BAZ1B: variants seen among roughly 807,000 people sequenced by gnomAD.
BAZ1B encodes bromodomain adjacent to zinc finger domain 1B, also known as tyrosine-protein kinase BAZ1B.
A neutral mutation model predicts 153.8 loss-of-function variants in BAZ1B; 22 were observed. That is an observed-to-expected ratio of 0.14 (90% CI 0.10 to 0.20). The LOEUF is 0.20. Among genes scored for constraint, BAZ1B ranks in the 10% least tolerant of loss-of-function variants. The pLI, the probability that BAZ1B is intolerant of heterozygous loss-of-function variation, is 1.00. For missense variants in BAZ1B, 1,325 were observed against 1,799.3 expected (o/e 0.74, Z 4.77); for synonymous variants, 676 against 633.4 (o/e 1.07, Z -1.01).
chr7:73,513,265 A>C (rs1790659529), intron 1 of BAZ1B, among the ~76,000 whole-genome samples: 1 of 152,176 alleles, frequency 6.6e-6, no homozygotes, highest in African/African-American at 2.4e-5. Flanking sequence ...ATGTTTAATA[A>C]ATATAGATGC....
In BAZ1B at chr7:73,476,989, A is replaced by G. The variant is rs2116336201; in HGVS notation, c.2472T>C (p.Ile824=). 6.2e-7 allele frequency: 1 copy of G among 1,613,954 alleles called. No individual in the cohort carries two copies. The highest frequency in any genetic ancestry group is 1.1e-5 in the South Asian group (1 of 91,066). The part of the protein sequence containing the change: ...GLGKTDRKKE[I]VKFEPQVDTE... Reference sequence around the variant, plus strand: ...TATCTACTTGGGGCTCAAACTTCACAATTTCTTTTTTCCTATCAGTTTTGC... The same window carrying G: ...TATCTACTTGGGGCTCAAACTTCACGATTTCTTTTTTCCTATCAGTTTTGC... The change falls in exon 7 of 20, where the codon ATT becomes ATC. Residue 824 remains isoleucine (I), a synonymous_variant. Coordinates refer to ENST00000339594, the MANE Select transcript of BAZ1B (RefSeq NM_032408.4).
intron 3 of BAZ1B, among the ~76,000 whole-genome samples, chr7:73,499,811 C>T (rs1420467276): frequency 6.6e-6 from 1 of 152,180 alleles, no homozygotes; most frequent in African/African-American, 2.4e-5. Context: ...ATTCTTTAAT[C>T]TGAAATCTAT....
Position 73,470,229 on chromosome 7 carries a change from A to AAGAATTGGAAAACTGAAG in BAZ1B, c.2732+98_2732+115dup, listed in dbSNP as rs1217193696. ...AATCATCAACAATTCTGTTTCCAAA[A>AAGAATTGGAAAACTGAAG]AGAATTGGAAAACTGAAGAGAGAAG... On this transcript the variant is annotated intron_variant, in intron 8 of 19. Transcript: ENST00000339594. 1.1e-5 allele frequency: 13 copies of AAGAATTGGAAAACTGAAG among 1,193,084 alleles called. 1 individual carries two copies. The highest frequency in any genetic ancestry group is 1.5e-5 in the Non-Finnish European group (13 of 866,528). 73.9% of individuals were successfully genotyped at this position (1,193,084 alleles called of 1,614,324 possible).
intron 1 of BAZ1B, among the ~76,000 whole-genome samples, chr7:73,515,531 CTTTT>C (rs869065388): frequency 1.1e-3 from 123 of 111,390 alleles, no homozygotes; most frequent in African/African-American, 3.9e-3. Flanking sequence ...AGCCTTGTTC[CTTTT>C]TTTTTTTTTT....
chr7:73,477,855 C>A lies in BAZ1B; in HGVS notation c.1606G>T (p.Ala536Ser), dbSNP rs1554573092. Residue 536 changes from alanine to serine, a missense_variant, in exon 7 of 20, where the codon GCT (alanine) becomes TCT (serine). Ala to Ser is a moderately conservative substitution (Grantham distance 99). This residue lies in a region of BAZ1B where 154 missense variants were observed against 266.3 expected (regional missense o/e 0.58). Transcript: ENST00000339594. This position sits in a 1 kb window ranked among gnomAD's most constrained non-coding sequence, Gnocchi z 5.6. ...YELLEHKKRWASMSEEQRKEY... is the reference protein window; with the variant it reads ...YELLEHKKRWSSMSEEQRKEY... Reference sequence around the variant, plus strand: ...TTCCGTTGTTCTTCAGACATAGAAGCCCACCTCTTTTTGTGCTCTAGAAGT... The same window carrying A: ...TTCCGTTGTTCTTCAGACATAGAAGACCACCTCTTTTTGTGCTCTAGAAGT... The A allele has an allele frequency of 6.2e-7, 1 of 1,613,924 alleles. No homozygotes were observed.
At chr7:73,487,015 T>C (rs1789438099) in intron 6 of BAZ1B, among the ~76,000 whole-genome samples, 1 of 152,202 alleles carries the variant, frequency 6.6e-6, no homozygotes, top group South Asian at 2.1e-4. Flanking sequence ...GGAAAACAAA[T>C]AATAAACCTG....
chr7:73,484,603 G>A (rs1199601540), intron 6 of BAZ1B, among the ~76,000 whole-genome samples: 3 of 151,744 alleles, frequency 2.0e-5, no homozygotes, highest in Non-Finnish European at 2.9e-5. Context: ...TGATCACACC[G>A]CTGCACCTCC....
intron 14 of BAZ1B, 144 bp from the exon 15 acceptor site, chr7:73,449,833 C>G (rs1787969348): frequency 1.2e-6 from 1 of 832,734 alleles, no homozygotes; most frequent in Non-Finnish European, 1.7e-6. Context: ...TTTGTAAATG[C>G]AGGCATTTTC....
intron 1 of BAZ1B, among the ~76,000 whole-genome samples, chr7:73,514,989 T>C (rs1457023556): frequency 1.3e-5 from 2 of 151,982 alleles, no homozygotes; most frequent in African/African-American, 4.8e-5. Flanking sequence ...AGAGAACTGC[T>C]TGAATGAGGA....
At position 73,521,982 on chromosome 7, in the gene BAZ1B, C is replaced by G; in HGVS notation, c.-49G>C. ...GCGGCTGCTGGGGCCGGCCCCGCGG[C>G]GCAGCACTAGGCCCCGCGGCCCGGA... On this transcript the variant is annotated 5_prime_UTR_variant, in exon 1 of 20. Coordinates refer to ENST00000339594, the MANE Select transcript of BAZ1B (RefSeq NM_032408.4). The G allele has an allele frequency of 3.8e-6, 5 of 1,313,830 alleles. No individual in the cohort carries two copies. The highest frequency in any genetic ancestry group is 4.9e-6 in the Non-Finnish European group (5 of 1,023,516). 81.4% of individuals were successfully genotyped at this position (1,313,830 alleles called of 1,614,324 possible). A position where few individuals can be genotyped will look rare whatever the true frequency, so the allele number is the denominator to read the frequency against.
intron 1 of BAZ1B, among the ~76,000 whole-genome samples, chr7:73,515,072 A>C (rs1790742657): frequency 1.3e-5 from 2 of 150,870 alleles, no homozygotes; most frequent in Admixed American, 6.6e-5. Context: ...AATCTGTCTC[A>C]AAAAAAAACA....
intron 1 of BAZ1B, among the ~76,000 whole-genome samples, chr7:73,515,345 C>T (rs1015402345): frequency 1.3e-5 from 2 of 152,066 alleles, no homozygotes; most frequent in Non-Finnish European, 2.9e-5. Flanking sequence ...AATGTACCTC[C>T]CCTCTTCATT....
At chr7:73,453,764 C>T (rs531901436) in intron 13 of BAZ1B, among the ~76,000 whole-genome samples, 43 of 152,304 alleles carry the variant, frequency 2.8e-4, no homozygotes, top group Non-Finnish European at 5.7e-4. Context: ...GCAGGTGGAT[C>T]ACTTGAGCCC....
rs140624559 is a variant in BAZ1B, at chr7:73,521,843, C to T, written c.91G>A (p.Ala31Thr). Residue 31 changes from alanine (A) to threonine (T), a missense_variant, in exon 1 of 20, where the codon GCC becomes ACC. Transcript: ENST00000339594. Reference sequence around the variant, plus strand: ...AAAGGATACTCCCGGGTGCGGAAGGCCTCCTGAGTGTGCGGGATGGTGAAG... The same window carrying T: ...AAAGGATACTCCCGGGTGCGGAAGGTCTCCTGAGTGTGCGGGATGGTGAAG... The part of the protein sequence containing the change: ...PLFTIPHTQE[A>T]FRTREEYEAR... 36 of 1,504,364 alleles carry T rather than the reference C, an allele frequency of 2.4e-5. No individual in the cohort carries two copies. The highest frequency in any genetic ancestry group is 6.1e-5 in the South Asian group (5 of 81,536). 93.2% of individuals were successfully genotyped at this position (1,504,364 alleles called of 1,614,324 possible). A position where few individuals can be genotyped will look rare whatever the true frequency, so the allele number is the denominator to read the frequency against.
chr7:73,449,763 C>T, intron 14 of BAZ1B, 74 bp from the exon 15 acceptor site: 1 of 1,513,658 alleles, frequency 6.6e-7, no homozygotes, highest in South Asian at 1.2e-5. Context: ...AAGAGGCAAT[C>T]ACCCTACAAT....
At chr7:73,508,511 A>C in intron 2 of BAZ1B, 40 bp from the exon 3 acceptor site, 1 of 1,558,060 alleles carries the variant, frequency 6.4e-7, no homozygotes, top group Non-Finnish European at 8.7e-7. Context: ...ACACAGAAAC[A>C]CCTACCCAGA....
chr7:73,503,593 T>C (rs144360862), intron 3 of BAZ1B, among the ~76,000 whole-genome samples: 1,907 of 152,288 alleles, frequency 0.013, 43 homozygotes, highest in African/African-American at 0.044. Flanking sequence ...CAGGCTGGTC[T>C]CAAACTCCTA....
intron 4 of BAZ1B, among the ~76,000 whole-genome samples, chr7:73,493,536 A>C (rs754694794): frequency 2.0e-5 from 3 of 151,706 alleles, no homozygotes; most frequent in Non-Finnish European, 4.4e-5. Context: ...GGTAGGTAGA[A>C]AGATGAGTAA....
At position 73,440,493 on chromosome 7, in the gene BAZ1B, GAAGAC is replaced by G. The variant is rs1196636845; in HGVS notation, c.*1211_*1215del. On this transcript the variant is annotated 3_prime_UTR_variant, in exon 20 of 20. Coordinates refer to ENST00000339594, the MANE Select transcript of BAZ1B (RefSeq NM_032408.4). Reference sequence around the variant, plus strand: ...CCCTTTAATGGGGCCCTTCCTCTTTGAAGACAATAAAAAAAAAAAACAACAACAAA... The same window carrying G: ...CCCTTTAATGGGGCCCTTCCTCTTTGAATAAAAAAAAAAAACAACAACAAA... 1.7e-4 allele frequency: 25 copies of G among 143,468 alleles called. No individual in the cohort carries two copies. Among genetic ancestry groups the G allele is most frequent in the African/African-American group, 6.7e-4 (25 of 37,330 alleles). The allele number at this position is 143,468 out of a possible 1,614,324, so 8.9% of individuals were successfully genotyped here.
Sources: gnomAD v4.1 joint callset for allele counts (sites outside exome capture counted in the v4.1 genomes callset) on GRCh38, gnomAD v4.1.1 for gene constraint, gnomAD v4.1.1 regional missense constraint, Gnocchi (gnomAD v3.1) non-coding constraint, MANE v1.5 for transcripts, NCBI Gene and HGNC (gene_info 2026-07-23, HGNC 2026-07-21) for gene names.